NBPF8: variants seen among roughly 807,000 people sequenced by gnomAD.
The protein encoded by NBPF8 is NBPF family member NBPF8.
Position 120,463,183 on chromosome 1 carries a change from C to T in NBPF8, n.3234+217C>T, listed in dbSNP as rs1216175970. ...GCTCTATTCCTAGTCTCCAGCCATG[C>T]CTGTGGCAACCTGAGCCCGCTCTCA... is the stretch of plus-strand genomic sequence containing the variant. On this transcript the variant is annotated intron_variant and non_coding_transcript_variant, in intron 21 of 24. Coordinates refer to ENST00000583271, the Ensembl canonical transcript of NBPF8. Among the ~76,000 whole-genome samples, 370 of 147,484 alleles carry T rather than the reference C, an allele frequency of 2.5e-3. 2 individuals are homozygous for T. Among genetic ancestry groups the T allele is most frequent in the Non-Finnish European group, 4.3e-3 (284 of 66,336 alleles).
At chr1:120,435,810 G>A (rs1483131756), upstream of NBPF8, among the ~76,000 whole-genome samples, 2 of 151,742 alleles carry the variant, frequency 1.3e-5, no homozygotes, top group African/African-American at 2.4e-5. Flanking sequence ...AGCTTGCAGT[G>A]AGCCTAGATC....
At chr1:120,424,694 TGCCTTG>T (rs1291734462) in intron 1 of NBPF8, among the ~76,000 whole-genome samples, 4,008 of 147,850 alleles carry the variant, frequency 0.027, 77 homozygotes, top group Non-Finnish European at 0.043. Context: ...GTGATCCACC[TGCCTTG>T]GCCTCTCAAA....
intron 17 of NBPF8, among the ~76,000 whole-genome samples, chr1:120,459,996 G>A (rs1299382925): frequency 0.017 from 2,585 of 152,128 alleles, 71 homozygotes; most frequent in African/African-American, 0.058. Flanking sequence ...AGGTTTCACT[G>A]AATTTATTCC....
chr1:120,421,618 T>C (rs1213978247), intron 1 of NBPF8, among the ~76,000 whole-genome samples: 2 of 149,824 alleles, frequency 1.3e-5, no homozygotes, highest in Admixed American at 1.3e-4. Context: ...TTTTCTTTCC[T>C]TTTTGTTCTA....
chr1:120,434,229 T>A (rs1553247449), upstream of NBPF8, among the ~76,000 whole-genome samples: 3,461 of 139,926 alleles, frequency 0.025, 73 homozygotes, highest in African/African-American at 0.065. Flanking sequence ...AAGAAAAAAA[T>A]ATATATATAT....
At chr1:120,449,719 A>G (rs1661206003) in intron 11 of NBPF8, among the ~76,000 whole-genome samples, 1 of 152,122 alleles carries the variant, frequency 6.6e-6, no homozygotes, top group Non-Finnish European at 1.5e-5. Flanking sequence ...ACCATATAAG[A>G]TCCTGCAGAC....
chr1:120,436,279 T>G (rs1661072027), upstream of NBPF8: 1 of 924,484 alleles, frequency 1.1e-6, no homozygotes. Flanking sequence ...CTTATCAGAG[T>G]CTGAGCTACT....
At chr1:120,416,116 GTAGT>G (rs1182390148), upstream of NBPF8, among the ~76,000 whole-genome samples, 1 of 151,956 alleles carries the variant, frequency 6.6e-6, no homozygotes, top group Non-Finnish European at 1.5e-5. Context: ...AGATCTGCTG[GTAGT>G]GTTTAGTCTT....
chr1:120,464,133 CTGTGTGTGTG>C (rs1169651864), intron 22 of NBPF8, among the ~76,000 whole-genome samples: 8 of 38,980 alleles, frequency 2.1e-4, no homozygotes, highest in South Asian at 7.8e-4. Context: ...CTCTCTCTCT[CTGTGTGTGTG>C]TGTGTGTGTG....
At chr1:120,460,655 T>A in intron 18 of NBPF8, 31 bp downstream of exon 16, 2 of 980,350 alleles carry the variant, frequency 2.0e-6, no homozygotes, top group Non-Finnish European at 3.3e-6. Flanking sequence ...ACAGTTAATT[T>A]GATGTTGACA....
In NBPF8 at chr1:120,464,568, G is replaced by T. The variant is rs1390177160; in HGVS notation, n.3459+20G>T. The T allele has an allele frequency of 3.4e-5, 26 of 772,354 alleles. 1 individual carries two copies. The East Asian group carries it at 3.4e-4, about 10-fold the overall frequency. The allele number at this position is 772,354 out of a possible 1,614,324, so 47.8% of individuals were successfully genotyped here. The stretch of plus-strand genomic sequence containing the variant: ...TGGGAGGTGAGTACCTTTCTATGAA[G>T]GTGATAAGGATCCACTGAGTCTTCC... On this transcript the variant is annotated intron_variant and non_coding_transcript_variant, in intron 23 of 24. Transcript: ENST00000583271.
chr1:120,464,777 G>A (rs1268964653), intron 23 of NBPF8, among the ~76,000 whole-genome samples: 13 of 147,212 alleles, frequency 8.8e-5, no homozygotes, highest in East Asian at 2.0e-4. Context: ...GTGGCGCCCT[G>A]ATCCTACTCT....
At position 120,460,752 on chromosome 1, in the gene NBPF8, A is replaced by T. The variant is rs1661561283; in HGVS notation, n.2836+128A>T. On this transcript the variant is annotated intron_variant and non_coding_transcript_variant, in intron 18 of 24. Transcript: ENST00000583271. Reference sequence around the variant, plus strand: ...GACAAGTCTGAATTACGCCTACTACATTGCTTTTTGGTTCTCATTAGAGTA... The same window carrying T: ...GACAAGTCTGAATTACGCCTACTACTTTGCTTTTTGGTTCTCATTAGAGTA... 8 of 969,784 alleles carry T rather than the reference A, an allele frequency of 8.2e-6. 1 individual carries two copies. Among genetic ancestry groups the T allele is most frequent in the Non-Finnish European group, 1.3e-5 (8 of 618,348 alleles). 60.1% of individuals were successfully genotyped at this position (969,784 alleles called of 1,614,324 possible). A position where few individuals can be genotyped will look rare whatever the true frequency, so the allele number is the denominator to read the frequency against.
chr1:120,415,226 T>C (rs1405148342), upstream of NBPF8, among the ~76,000 whole-genome samples: 2 of 152,216 alleles, frequency 1.3e-5, no homozygotes, highest in East Asian at 1.9e-4. Context: ...ACGGATGCCA[T>C]CTGGATGGGA....
intron 11 of NBPF8, among the ~76,000 whole-genome samples, chr1:120,450,808 T>C: frequency 6.6e-6 from 1 of 152,274 alleles, no homozygotes; most frequent in East Asian, 1.9e-4. Flanking sequence ...CCTTCCCGAC[T>C]GTACAAGAAA....
intron 16 of NBPF8, among the ~76,000 whole-genome samples, chr1:120,456,075 G>A (rs1331350698): frequency 2.6e-5 from 4 of 151,810 alleles, no homozygotes; most frequent in East Asian, 1.9e-4. Context: ...GTAGTTGTGC[G>A]GTTTTGAGTG....
intron 16 of NBPF8, among the ~76,000 whole-genome samples, chr1:120,456,584 A>G (rs1422937149): frequency 7.7e-6 from 1 of 129,152 alleles, no homozygotes; most frequent in East Asian, 1.9e-4. Context: ...TAGGATTGCA[A>G]CCCCTGCCTT....
chr1:120,436,541 C>A (rs1479116574), exon 1 of NBPF8: 5 of 1,534,320 alleles, frequency 3.3e-6, no homozygotes, highest in Non-Finnish European at 4.5e-6. Flanking sequence ...ATCAGCCGGC[C>A]CTTGGTCCAG....
upstream of NBPF8, among the ~76,000 whole-genome samples, chr1:120,434,609 C>T (rs1297611204): frequency 2.6e-5 from 4 of 151,438 alleles, no homozygotes; most frequent in Non-Finnish European, 5.9e-5. Flanking sequence ...ATGCTTGCAC[C>T]GCCGCTTCTA....
Sources: gnomAD v4.1 joint callset for allele counts (sites outside exome capture counted in the v4.1 genomes callset) on GRCh38, gnomAD v4.1.1 for gene constraint, MANE v1.5 for transcripts, NCBI Gene and HGNC (gene_info 2026-07-23, HGNC 2026-07-21) for gene names.